Variants in TMEM114 observed in about 807,000 individuals in gnomAD.
TMEM114 encodes claudin-26.
TMEM114 carries 6 observed loss-of-function variants against 6.2 expected under a neutral mutation model. That is an observed-to-expected ratio of 0.97 (90% confidence interval 0.53 to 1.91). The LOEUF (loss-of-function observed/expected upper bound fraction) is 1.91. Among genes scored for constraint, TMEM114 ranks in the 40% most tolerant of loss-of-function variants. The pLI, the probability that TMEM114 is intolerant of heterozygous loss-of-function variation, is 0.01. For missense variants in TMEM114, 218 were observed against 158.3 expected, an observed-to-expected ratio of 1.38 and a Z score of -2.02; for synonymous variants, 104 against 73.0, an observed-to-expected ratio of 1.42 and a Z score of -2.16.
chr16:8,553,834 G>A (rs868839105), intron 2 of TMEM114, among the ~76,000 whole-genome samples: 6 of 151,310 alleles, frequency 4.0e-5, no homozygotes, highest in African/African-American at 1.5e-4. Context: ...CAAGTAGCTG[G>A]AATTACAGGC....
At chr16:8,544,064 G>A (rs183524128) in intron 2 of TMEM114, among the ~76,000 whole-genome samples, 113 of 152,226 alleles carry the variant, frequency 7.4e-4, no homozygotes, top group African/African-American at 2.6e-3. Flanking sequence ...CATTAGCCTA[G>A]GTTTTCTTTT....
intron 2 of TMEM114, among the ~76,000 whole-genome samples, chr16:8,575,760 C>T (rs896110965): frequency 8.5e-5 from 13 of 152,190 alleles, no homozygotes; most frequent in Admixed American, 2.6e-4. Context: ...GTGCTTGTCA[C>T]ATCATAAACC....
chr16:8,541,062 G>A (rs1306475858), intron 2 of TMEM114, among the ~76,000 whole-genome samples: 4 of 152,164 alleles, frequency 2.6e-5, no homozygotes, highest in African/African-American at 7.2e-5. Flanking sequence ...GTCTGGACCA[G>A]CCCCATGCAG....
intron 2 of TMEM114, among the ~76,000 whole-genome samples, chr16:8,550,492 A>C (rs866726223): frequency 2.0e-5 from 3 of 152,076 alleles, no homozygotes; most frequent in African/African-American, 7.2e-5. Context: ...CAGCCTGACC[A>C]ACATGGTGAA....
downstream of TMEM114, among the ~76,000 whole-genome samples, chr16:8,565,696 C>G (rs79098334): frequency 0.07 from 10,687 of 152,222 alleles, 456 homozygotes; most frequent in Non-Finnish European, 0.09. Context: ...CCCTGCAGGC[C>G]GGTCCGTTCA....
the TMEM114 span, among the ~76,000 whole-genome samples, chr16:8,529,797 T>G: frequency 1.3e-5 from 2 of 151,910 alleles, no homozygotes; most frequent in Non-Finnish European, 2.9e-5. Flanking sequence ...TTGACAAACC[T>G]GTGTCTTGGG....
chr16:8,558,681 C>A (rs1050942319), intron 2 of TMEM114, among the ~76,000 whole-genome samples: 2 of 152,190 alleles, frequency 1.3e-5, no homozygotes, highest in African/African-American at 4.8e-5. Context: ...GCATTTCACC[C>A]CACCTCTCAG....
intron 2 of TMEM114, among the ~76,000 whole-genome samples, chr16:8,560,682 G>A (rs1419959086): frequency 7.2e-5 from 11 of 152,262 alleles, no homozygotes; most frequent in Admixed American, 6.5e-4. Context: ...GTGGGCCTCA[G>A]GCTCCTGTCT....
intron 2 of TMEM114, among the ~76,000 whole-genome samples, chr16:8,542,143 G>C (rs545904305): frequency 2.4e-4 from 13 of 53,568 alleles, no homozygotes; most frequent in African/African-American, 7.3e-4. Context: ...GATGATTCGT[G>C]GGGGGGGGTC....
In TMEM114 at chr16:8,589,704, C is replaced by G. The variant is rs1370185158; in HGVS notation, c.135G>C (p.Pro45=). 1.0e-5 allele frequency: 4 copies of G among 398,386 alleles called. No individual in the cohort carries two copies. Among genetic ancestry groups the G allele is most frequent in the Non-Finnish European group, 1.3e-5 (3 of 226,010 alleles). The allele number at this position is 398,386 out of a possible 1,614,324, so 24.7% of individuals were successfully genotyped here. Residue 45 remains proline (P), a synonymous_variant, in exon 1 of 4, where the codon CCG becomes CCC. Transcript: ENST00000620492. ...TGGACCCCAGCAGGTCCTGCGCCCC[C>G]GGGCCAGTCCTCTCCAGCCGCTCGG... ...IDTERLERTG[P]GAQDLLGSIN...
chr16:8,564,088 A>C (rs994714067), intron 2 of TMEM114, among the ~76,000 whole-genome samples: 2 of 151,358 alleles, frequency 1.3e-5, no homozygotes, highest in Non-Finnish European at 2.9e-5. Context: ...TGAATGAGTG[A>C]GTGAGTGAAT....
chr16:8,554,470 C>T (rs117719860), intron 2 of TMEM114, among the ~76,000 whole-genome samples: 2,443 of 152,192 alleles, frequency 0.016, 128 homozygotes, highest in East Asian at 0.15. Context: ...CCTTCTTGAC[C>T]TCTCATAGCC....
At chr16:8,553,446 G>A (rs1190542745) in intron 2 of TMEM114, among the ~76,000 whole-genome samples, 1 of 152,068 alleles carries the variant, frequency 6.6e-6, no homozygotes, top group African/African-American at 2.4e-5. Context: ...GCCCAGGCTG[G>A]AGTGCAGTGG....
chr16:8,537,050 T>G (rs1374381834), downstream of TMEM114, among the ~76,000 whole-genome samples: 1 of 151,156 alleles, frequency 6.6e-6, no homozygotes, highest in African/African-American at 2.4e-5. Flanking sequence ...TACAAAAAAT[T>G]TAAGAATTAG....
chr16:8,566,195 C>T (rs192043035), downstream of TMEM114, among the ~76,000 whole-genome samples: 74 of 152,144 alleles, frequency 4.9e-4, 1 homozygote, highest in East Asian at 0.012. Context: ...ACTGTAAAAC[C>T]GCATTTCTAC....
At chr16:8,537,307 C>T (rs141071267), downstream of TMEM114, among the ~76,000 whole-genome samples, 1 of 152,110 alleles carries the variant, frequency 6.6e-6, no homozygotes, top group African/African-American at 2.4e-5. Flanking sequence ...TCAAGACCAG[C>T]CTGGCCAACA....
chr16:8,535,842 C>A (rs1489603590), downstream of TMEM114, among the ~76,000 whole-genome samples: 1 of 152,186 alleles, frequency 6.6e-6, no homozygotes, highest in Admixed American at 6.5e-5. Flanking sequence ...AATCACAATA[C>A]CCATGTTTTA....
In TMEM114 at chr16:8,582,708, G is replaced by A. The variant is rs139210141; in HGVS notation, c.301+6505C>T. ...AGTTCGAGACCAGCCTGGCCAACATGGTGAATCCCCATCTCTACTAAAAAT... is the reference window on the plus strand; with the variant it reads ...AGTTCGAGACCAGCCTGGCCAACATAGTGAATCCCCATCTCTACTAAAAAT... On this transcript the variant is annotated intron_variant, in intron 2 of 3. Transcript: ENST00000620492. Among the ~76,000 whole-genome samples the A allele has an allele frequency of 2.0e-5, 3 of 152,252 alleles. No homozygotes were observed. In the East Asian group the frequency reaches 5.8e-4, roughly 29 times the overall value.
intron 3 of TMEM114, 49 bp from the exon 4 acceptor site, chr16:8,570,054 G>A (rs1318727931): frequency 2.6e-6 from 4 of 1,512,758 alleles, no homozygotes; most frequent in Non-Finnish European, 3.6e-6. Context: ...CCCCGCCCCA[G>A]CACTCCCCTC....
Sources: gnomAD v4.1 joint callset for allele counts (sites outside exome capture counted in the v4.1 genomes callset) on GRCh38, gnomAD v4.1.1 for gene constraint, MANE v1.5 for transcripts, NCBI Gene and HGNC (gene_info 2026-07-23, HGNC 2026-07-21) for gene names.